LAMP1: variants seen among roughly 807,000 people sequenced by gnomAD.
LAMP1 encodes the protein lysosome-associated membrane glycoprotein 1.
A neutral mutation model predicts 37.5 loss-of-function variants in LAMP1; 7 were observed. The observed-to-expected ratio is 0.19, with a 90% confidence interval of 0.11 to 0.35. The LOEUF (loss-of-function observed/expected upper bound fraction) is 0.35. Among genes scored for constraint, LAMP1 ranks in the 10% least tolerant of loss-of-function variants. The pLI, the probability that LAMP1 is intolerant of heterozygous loss-of-function variation, is 1.00. For synonymous variants in LAMP1, 236 were observed against 229.1 expected (o/e 1.03, Z -0.27); for missense variants, 537 against 552.8 (o/e 0.97, Z 0.29).
chr13:113,303,854 T>C (rs994776858), intron 1 of LAMP1, among the ~76,000 whole-genome samples: 3 of 152,150 alleles, frequency 2.0e-5, no homozygotes, highest in African/African-American at 7.2e-5. Flanking sequence ...GGCAGGTGGA[T>C]CACTTGAGGC....
chr13:113,305,028 G>A (rs1465393981), intron 1 of LAMP1: 1 of 152,128 alleles, frequency 6.6e-6, no homozygotes, highest in Non-Finnish European at 1.5e-5. Context: ...GACTACTTCT[G>A]GTTATATGCT....
rs2042697304 is a variant in LAMP1, at chr13:113,321,243, C to T, written c.877-161C>T. On this transcript the variant is annotated intron_variant, in intron 6 of 8. Coordinates refer to ENST00000332556, the MANE Select transcript of LAMP1 (RefSeq NM_005561.4). The surrounding 1 kb of genome is among the most constrained non-coding windows in gnomAD (Gnocchi z 5.6). Reference sequence around the variant, plus strand: ...AGAGATACACAACGCCTTTTATAGACAAGATCTTTTGCAGTTTTGTTCTAA... The same window carrying T: ...AGAGATACACAACGCCTTTTATAGATAAGATCTTTTGCAGTTTTGTTCTAA... The T allele has an allele frequency of 3.8e-5, 26 of 683,430 alleles. 1 individual carries two copies. The South Asian group carries it at 4.2e-4, about 11-fold the overall frequency. The allele number at this position is 683,430 out of a possible 1,614,324, so 42.3% of individuals were successfully genotyped here.
At position 113,321,005 on chromosome 13, in the gene LAMP1, C is replaced by A; in HGVS notation, c.877-399C>A. 3.6e-6 allele frequency: 1 copy of A among 281,652 alleles called. No individual in the cohort carries two copies. The highest frequency in any genetic ancestry group is 3.8e-5 in the South Asian group (1 of 26,596). 17.4% of individuals were successfully genotyped at this position (281,652 alleles called of 1,614,324 possible). ...GACCAGCCTGGGCAGCACAGGGAGG[C>A]TCCATTTCTGCAAATAATAAAACGA... On this transcript the variant is annotated intron_variant, in intron 6 of 8. Transcript: ENST00000332556. This position sits in a 1 kb window ranked among gnomAD's most constrained non-coding sequence, Gnocchi z 5.6.
Position 113,319,480 on chromosome 13 carries a change from G to A in LAMP1, c.574G>A (p.Glu192Lys). ...CACTGCACCTGCAGAGACACGCTGTGAACAAGACAGGCCTTCCCCAACCAC... is the reference window on the plus strand; with the variant it reads ...CACTGCACCTGCAGAGACACGCTGTAAACAAGACAGGCCTTCCCCAACCAC... ...SSFSRGETRC[E>K]QDRPSPTTAP... The change falls in exon 5 of 9, where the codon GAA becomes AAA. Residue 192 changes from glutamate (E) to lysine (K), a missense_variant. Physicochemically the swap from Glu to Lys is moderately conservative, Grantham distance 56. Coordinates refer to ENST00000332556, the MANE Select transcript of LAMP1 (RefSeq NM_005561.4). The A allele has an allele frequency of 6.2e-7, 1 of 1,611,654 alleles. No homozygotes were observed. The highest frequency in any genetic ancestry group is 1.3e-5 in the African/African-American group (1 of 75,008).
At position 113,297,355 on chromosome 13, in the gene LAMP1, C is replaced by T; in HGVS notation, c.-80C>T. ...GCCAGCCCTTGGCGCCCGCGCCCCG[C>T]CACCGCAGCGCCCGGCAGTCCGCGG... On this transcript the variant is annotated 5_prime_UTR_variant, in exon 1 of 9. Coordinates refer to ENST00000332556, the MANE Select transcript of LAMP1 (RefSeq NM_005561.4). The surrounding 1 kb of genome is among the most constrained non-coding windows in gnomAD (Gnocchi z 4.4). 7.5e-6 allele frequency: 2 copies of T among 265,560 alleles called. No individual in the cohort carries two copies. Among genetic ancestry groups the T allele is most frequent in the South Asian group, 1.3e-4 (1 of 7,636 alleles). 16.5% of individuals were successfully genotyped at this position (265,560 alleles called of 1,614,324 possible).
intron 4 of LAMP1, 132 bp from the exon 5 acceptor site, chr13:113,319,337 G>A: frequency 1.2e-6 from 1 of 805,150 alleles, no homozygotes; most frequent in Non-Finnish European, 1.9e-6. Context: ...AGCCACCTTG[G>A]GAGACTGAGA....
At chr13:113,310,508 A>G (rs1429732954) in intron 3 of LAMP1, among the ~76,000 whole-genome samples, 1 of 152,200 alleles carries the variant, frequency 6.6e-6, no homozygotes, top group Admixed American at 6.5e-5. Flanking sequence ...CTTGGGCGAC[A>G]GGGCGAGACT....
intron 2 of LAMP1, among the ~76,000 whole-genome samples, chr13:113,308,161 C>G (rs1292442401): frequency 1.3e-5 from 2 of 151,520 alleles, no homozygotes; most frequent in African/African-American, 4.8e-5. Context: ...ACATCAGGTG[C>G]ATGCCACCAT....
intron 4 of LAMP1, among the ~76,000 whole-genome samples, chr13:113,316,665 C>T (rs1345415190): frequency 6.6e-6 from 1 of 152,108 alleles, no homozygotes; most frequent in Non-Finnish European, 1.5e-5. Flanking sequence ...TCGTGATCCG[C>T]CCGCCTCGGC....
At position 113,306,861 on chromosome 13, in the gene LAMP1, A is replaced by G. The variant is rs1257575225; in HGVS notation, c.183+255A>G. 3.0e-3 allele frequency among the ~76,000 whole-genome samples: 10 copies of G among 3,300 alleles called. No individual in the cohort carries two copies. The Admixed American group carries it at 0.032, about 11-fold the overall frequency. The allele number at this position is 3,300 out of a possible 152,430, so 2.2% of individuals were successfully genotyped here. A position where few individuals can be genotyped will look rare whatever the true frequency, so the allele number is the denominator to read the frequency against. The stretch of plus-strand genomic sequence containing the variant: ...TTTTTTTTTTTTTTTTTTTTTTGAG[A>G]CGGAGTCTCGCTCTGTCACCCAGGC... On this transcript the variant is annotated intron_variant, in intron 2 of 8. Transcript: ENST00000332556.
intron 4 of LAMP1, among the ~76,000 whole-genome samples, chr13:113,316,782 G>A (rs745936721): frequency 6.6e-6 from 1 of 151,214 alleles, no homozygotes; most frequent in Non-Finnish European, 1.5e-5. Flanking sequence ...GGAAGGAATC[G>A]ATGGTAAAAC....
intron 1 of LAMP1, among the ~76,000 whole-genome samples, chr13:113,298,006 CCTT>C (rs2042551924): frequency 6.6e-6 from 1 of 152,190 alleles, no homozygotes; most frequent in Admixed American, 6.5e-5. Flanking sequence ...TGTACTTGAA[CCTT>C]TCTCCTCTTT....
Position 113,320,460 on chromosome 13 carries a change from A to T in LAMP1, c.866A>T (p.Gln289Leu), listed in dbSNP as rs2042692145. ...GAGGGCACCACCGTCCTGCTCTTCC[A>T]GTTCGGGATGGTGAGGCTGGGGCGG... ...HSEGTTVLLF[Q>L]FGMNASSSRF... The change falls in exon 6 of 9, where the codon CAG (glutamine) becomes CTG (leucine). Residue 289 changes from glutamine to leucine, a missense_variant. Coordinates refer to ENST00000332556, the MANE Select transcript of LAMP1 (RefSeq NM_005561.4). The surrounding 1 kb of genome is among the most constrained non-coding windows in gnomAD (Gnocchi z 4.4). The T allele has an allele frequency of 1.2e-6, 2 of 1,608,064 alleles. No homozygotes were observed. Among genetic ancestry groups the T allele is most frequent in the Non-Finnish European group, 1.7e-6 (2 of 1,179,762 alleles).
intron 4 of LAMP1, among the ~76,000 whole-genome samples, chr13:113,317,991 G>A (rs1463789730): frequency 6.6e-6 from 1 of 152,242 alleles, no homozygotes; most frequent in Non-Finnish European, 1.5e-5. Context: ...CGCCCAGCAA[G>A]TGAAGCTGTT....
chr13:113,317,578 T>G (rs1257103737), intron 4 of LAMP1, among the ~76,000 whole-genome samples: 1 of 152,238 alleles, frequency 6.6e-6, no homozygotes, highest in East Asian at 1.9e-4. Context: ...TTACACTTTT[T>G]CTGTGCGTCG....
intron 4 of LAMP1, among the ~76,000 whole-genome samples, chr13:113,317,751 A>G (rs1267397604): frequency 2.6e-5 from 4 of 151,320 alleles, no homozygotes; most frequent in Non-Finnish European, 5.9e-5. Context: ...CAGTGGCACA[A>G]TAACTGCTCA....
chr13:113,298,387 A>G (rs930813982), intron 1 of LAMP1, among the ~76,000 whole-genome samples: 21 of 146,588 alleles, frequency 1.4e-4, no homozygotes, highest in Non-Finnish European at 3.0e-5. Context: ...GCCCCCCGCC[A>G]ACACTATTCT....
intron 4 of LAMP1, among the ~76,000 whole-genome samples, chr13:113,316,873 C>CAA (rs772711948): frequency 1.0e-4 from 10 of 99,138 alleles, no homozygotes; most frequent in South Asian, 6.5e-4. Context: ...GACTCTGTCT[C>CAA]AAAAAAAAAA....
Position 113,321,834 on chromosome 13 carries a change from C to A in LAMP1, c.1114+107C>A. ...GTGGGCTGGGGCGACGCCCCTGTTCCTCTGCAAGGAGCTGTTTCTTCTTGC... is the reference window on the plus strand; with the variant it reads ...GTGGGCTGGGGCGACGCCCCTGTTCATCTGCAAGGAGCTGTTTCTTCTTGC... On this transcript the variant is annotated intron_variant, in intron 8 of 8. Coordinates refer to ENST00000332556, the MANE Select transcript of LAMP1 (RefSeq NM_005561.4). The surrounding 1 kb of genome is among the most constrained non-coding windows in gnomAD (Gnocchi z 5.6). 2 of 1,114,186 alleles carry A rather than the reference C, an allele frequency of 1.8e-6. No homozygotes were observed. Among genetic ancestry groups the A allele is most frequent in the Non-Finnish European group, 2.6e-6 (2 of 772,590 alleles). 69.0% of individuals were successfully genotyped at this position (1,114,186 alleles called of 1,614,324 possible).
Sources: allele counts gnomAD v4.1 joint callset (sites outside exome capture counted in the v4.1 genomes callset), GRCh38; gene constraint gnomAD v4.1.1; non-coding constraint Gnocchi (gnomAD v3.1); transcripts MANE v1.5; gene names NCBI Gene and HGNC (gene_info 2026-07-23, HGNC 2026-07-21).